GALNT17: variants seen among roughly 807,000 people sequenced by gnomAD.
GALNT17 encodes the protein polypeptide N-acetylgalactosaminyltransferase 17, also known as UDP-GalNAc:polypeptide N-acetylgalactosaminyltransferase-like 3.
GALNT17 carries 29 observed loss-of-function variants against 63.7 expected under a neutral mutation model. The observed-to-expected ratio is 0.46, with a 90% CI of 0.34 to 0.62. The LOEUF is 0.62. Among genes scored for constraint, GALNT17 ranks in the 20% least tolerant of loss-of-function variants. GALNT17 has a pLI of 0.01. For missense variants in GALNT17, 603 were observed against 799.6 expected, an observed-to-expected ratio of 0.75 and a Z score of 2.97; for synonymous variants, 305 against 318.3, an observed-to-expected ratio of 0.96 and a Z score of 0.45.
At chr7:71,669,243 C>G (rs1481243045) in intron 7 of GALNT17, among the ~76,000 whole-genome samples, 1 of 152,080 alleles carries the variant, frequency 6.6e-6, no homozygotes, top group Non-Finnish European at 1.5e-5. Context: ...TGGCCGGGTG[C>G]AGTGGCTCAC....
At chr7:71,154,608 A>G (rs10950245) in intron 1 of GALNT17, among the ~76,000 whole-genome samples, 50,440 of 151,764 alleles carry the variant, frequency 0.33, 8,745 homozygotes, top group Middle Eastern at 0.38. Context: ...ACGGAGTCTC[A>G]CTCTGTCGCC....
chr7:71,595,853 G>C (rs1272797499), intron 6 of GALNT17, among the ~76,000 whole-genome samples: 1 of 152,100 alleles, frequency 6.6e-6, no homozygotes, highest in Non-Finnish European at 1.5e-5. Context: ...GAAGATTGTG[G>C]GGGATGAGAT....
At chr7:71,494,847 C>T (rs1788068472) in intron 5 of GALNT17, among the ~76,000 whole-genome samples, 1 of 152,178 alleles carries the variant, frequency 6.6e-6, no homozygotes, top group Non-Finnish European at 1.5e-5. Flanking sequence ...TGGCAGCAGG[C>T]AGGAAAGCTT....
At chr7:71,411,321 A>G (rs1469792664) in intron 3 of GALNT17, among the ~76,000 whole-genome samples, 1 of 151,954 alleles carries the variant, frequency 6.6e-6, no homozygotes, top group Non-Finnish European at 1.5e-5. Flanking sequence ...AGGTCACACC[A>G]TGTGGCTAGG....
chr7:71,147,209 A>G lies in GALNT17; in HGVS notation c.238+14169A>G, dbSNP rs569238439. ...GGGTTCTTTAGAGGGACAGATATAT[A>G]TGAGTTTGTTAAGTATTAACTTACA... On this transcript the variant is annotated intron_variant, in intron 1 of 10. Transcript: ENST00000333538. Among the ~76,000 whole-genome samples, 458 of 152,282 alleles carry G rather than the reference A, an allele frequency of 3.0e-3. 3 individuals carry two copies. The highest frequency in any genetic ancestry group is 0.011 in the African/African-American group (441 of 41,564).
intron 1 of GALNT17, among the ~76,000 whole-genome samples, chr7:71,225,735 A>G (rs1789668609): frequency 6.6e-6 from 1 of 152,240 alleles, no homozygotes; most frequent in Admixed American, 6.5e-5. Flanking sequence ...GATTACTGCC[A>G]TGCTGTCATT....
intron 5 of GALNT17, among the ~76,000 whole-genome samples, chr7:71,539,986 A>T (rs1465401554): frequency 2.8e-5 from 4 of 144,950 alleles, no homozygotes; most frequent in African/African-American, 1.0e-4. Flanking sequence ...TAGAGACAAG[A>T]TCTTGCTGTG....
intron 1 of GALNT17, among the ~76,000 whole-genome samples, chr7:71,290,693 T>A (rs1176217305): frequency 6.6e-6 from 1 of 152,190 alleles, no homozygotes; most frequent in Non-Finnish European, 1.5e-5. Flanking sequence ...CTGATGTGGA[T>A]CCTTAGCTTC....
intron 1 of GALNT17, among the ~76,000 whole-genome samples, chr7:71,134,858 T>G (rs1443722042): frequency 2.7e-5 from 3 of 112,408 alleles, no homozygotes; most frequent in African/African-American, 3.8e-5. Context: ...TTTTTTTTTT[T>G]TTTTTTTTGA....
chr7:71,505,723 T>C (rs1186457757), intron 5 of GALNT17, among the ~76,000 whole-genome samples: 1 of 152,232 alleles, frequency 6.6e-6, no homozygotes, highest in Non-Finnish European at 1.5e-5. Flanking sequence ...GTGATTCTGC[T>C]GTTAACTATG....
intron 2 of GALNT17, among the ~76,000 whole-genome samples, chr7:71,361,386 A>G (rs761357220): frequency 6.6e-6 from 1 of 152,074 alleles, no homozygotes; most frequent in Non-Finnish European, 1.5e-5. Flanking sequence ...CTTGAAACCC[A>G]GGGACACCAT....
chr7:71,240,266 C>T (rs1015231865), intron 1 of GALNT17, among the ~76,000 whole-genome samples: 1 of 152,070 alleles, frequency 6.6e-6, no homozygotes, highest in African/African-American at 2.4e-5. Context: ...TGTATTTTTT[C>T]GTTGTTTTTA....
At chr7:71,501,970 C>T (rs1211392820) in intron 5 of GALNT17, among the ~76,000 whole-genome samples, 3 of 152,186 alleles carry the variant, frequency 2.0e-5, no homozygotes, top group African/African-American at 4.8e-5. Context: ...CTAAGCCCGA[C>T]CCTTCAGCTG....
chr7:71,593,112 T>G (rs1332872073), intron 6 of GALNT17, among the ~76,000 whole-genome samples: 1 of 151,790 alleles, frequency 6.6e-6, no homozygotes, highest in African/African-American at 2.4e-5. Flanking sequence ...ATTGCACCCT[T>G]GCACTGCAGT....
chr7:71,439,262 C>T (rs558766402), intron 5 of GALNT17, among the ~76,000 whole-genome samples: 1 of 152,252 alleles, frequency 6.6e-6, no homozygotes, highest in East Asian at 1.9e-4. Flanking sequence ...GTTCTTGAAG[C>T]CACTCTCTTC....
chr7:71,544,850 G>GTTT (rs5884844), intron 5 of GALNT17, among the ~76,000 whole-genome samples: 3,381 of 147,010 alleles, frequency 0.023, 49 homozygotes, highest in Middle Eastern at 0.063. Flanking sequence ...CTGAGCTTTA[G>GTTT]TTTTTTTTTT....
intron 1 of GALNT17, among the ~76,000 whole-genome samples, chr7:71,252,754 A>G (rs1790222964): frequency 6.6e-6 from 1 of 152,174 alleles, no homozygotes; most frequent in Non-Finnish European, 1.5e-5. Context: ...CAAGCTGGGA[A>G]CAGTCATGCA....
At chr7:71,215,778 AG>A (rs1370357683) in intron 1 of GALNT17, among the ~76,000 whole-genome samples, 2 of 152,330 alleles carry the variant, frequency 1.3e-5, no homozygotes, top group East Asian at 3.9e-4. Flanking sequence ...GGTTAGAACA[AG>A]GGCAGCGTTC....
chr7:71,711,892 C>T, intron 10 of GALNT17, 126 bp from the exon 11 acceptor site: 2 of 1,065,300 alleles, frequency 1.9e-6, no homozygotes, highest in Non-Finnish European at 2.7e-6. Context: ...CTCTCTTTCT[C>T]TTCTCTTTTT....
Sources: gnomAD v4.1 joint callset for allele counts (sites outside exome capture counted in the v4.1 genomes callset) on GRCh38, gnomAD v4.1.1 for gene constraint, MANE v1.5 for transcripts, NCBI Gene and HGNC (gene_info 2026-07-23, HGNC 2026-07-21) for gene names.